CEP83: variants seen among roughly 807,000 people sequenced by gnomAD.
CEP83 encodes the protein centrosomal protein of 83 kDa.
A neutral mutation model predicts 101.9 loss-of-function variants in CEP83; 70 were observed. The ratio of observed to expected loss-of-function variants is 0.69; its 90% CI spans 0.57 to 0.84. CEP83 has a LOEUF of 0.84. CEP83 is among the 40% of genes least tolerant of loss of function. The pLI is 0.00. For synonymous variants in CEP83, 264 were observed against 267.9 expected (o/e 0.99, Z 0.14); for missense variants, 715 against 787.2 (o/e 0.91, Z 1.10).
At chr12:94,371,947 A>T (rs999581594) in intron 8 of CEP83, among the ~76,000 whole-genome samples, 1 of 152,110 alleles carries the variant, frequency 6.6e-6, no homozygotes, top group African/African-American at 2.4e-5. Flanking sequence ...TAAAATGGTG[A>T]CCCTGTGCTG....
chr12:94,350,978 A>G (rs572143632), intron 11 of CEP83, among the ~76,000 whole-genome samples: 1 of 152,294 alleles, frequency 6.6e-6, no homozygotes, highest in Admixed American at 6.5e-5. Context: ...ATGACTGACT[A>G]GAGGACCAAC....
the CEP83 span, among the ~76,000 whole-genome samples, chr12:94,267,270 G>C: frequency 6.6e-6 from 1 of 152,220 alleles, no homozygotes; most frequent in African/African-American, 2.4e-5. Flanking sequence ...TCAGGAAGAG[G>C]TCAGATGTCT....
chr12:94,443,059 T>C (rs1410824972), intron 1 of CEP83, among the ~76,000 whole-genome samples: 1 of 152,174 alleles, frequency 6.6e-6, no homozygotes, highest in East Asian at 1.9e-4. Flanking sequence ...TCACTATAAC[T>C]CCTATGATAA....
At chr12:94,431,953 A>G (rs1417178577) in intron 2 of CEP83, among the ~76,000 whole-genome samples, 1 of 152,248 alleles carries the variant, frequency 6.6e-6, no homozygotes, top group African/African-American at 2.4e-5. Flanking sequence ...AAAGGAAAAG[A>G]TATCAGCATG....
At chr12:94,294,463 A>AT in the CEP83 span, 1 of 1,110,966 alleles carries the variant, frequency 9.0e-7, no homozygotes, top group South Asian at 1.3e-5. Flanking sequence ...GAACACTCAT[A>AT]TATCTTTTAT....
chr12:94,330,420 A>C (rs1007200345), intron 14 of CEP83, among the ~76,000 whole-genome samples: 1 of 152,204 alleles, frequency 6.6e-6, no homozygotes, highest in Admixed American at 6.5e-5. Flanking sequence ...GGGTTTGCTG[A>C]AATAGAAAAA....
At chr12:94,400,514 C>T (rs943895840) in intron 6 of CEP83, among the ~76,000 whole-genome samples, 52 of 152,254 alleles carry the variant, frequency 3.4e-4, no homozygotes, top group African/African-American at 1.2e-3. Context: ...AAGAACAATG[C>T]TAAGTAAGGA....
intron 11 of CEP83, among the ~76,000 whole-genome samples, chr12:94,349,601 G>A (rs957641835): frequency 1.3e-5 from 2 of 152,042 alleles, no homozygotes; most frequent in African/African-American, 2.4e-5. Context: ...TAACAAACTC[G>A]GAATAGAAGG....
intron 6 of CEP83, among the ~76,000 whole-genome samples, chr12:94,396,546 C>T (rs2062910661): frequency 6.6e-6 from 1 of 152,012 alleles, no homozygotes; most frequent in Non-Finnish European, 1.5e-5. Context: ...CCTCAGCCTC[C>T]CCAAGTGCTG....
chr12:94,284,074 C>T, the CEP83 span, among the ~76,000 whole-genome samples: 1 of 138,608 alleles, frequency 7.2e-6, no homozygotes, highest in South Asian at 2.2e-4. Flanking sequence ...CAGAGCAAGA[C>T]TCCATGTCAG....
intron 8 of CEP83, among the ~76,000 whole-genome samples, chr12:94,370,529 A>C (rs929375060): frequency 7.2e-5 from 11 of 152,246 alleles, no homozygotes; most frequent in Admixed American, 6.5e-4. Flanking sequence ...GGTGCACACC[A>C]CCACACTCAG....
chr12:94,441,490 A>G (rs990583256), intron 1 of CEP83, among the ~76,000 whole-genome samples: 1 of 152,160 alleles, frequency 6.6e-6, no homozygotes, highest in Non-Finnish European at 1.5e-5. Context: ...TCCTGCAAGA[A>G]TGGCCATAAT....
At chr12:94,443,175 C>T (rs968798895) in intron 1 of CEP83, among the ~76,000 whole-genome samples, 1 of 151,954 alleles carries the variant, frequency 6.6e-6, no homozygotes. Context: ...CCACAGGACC[C>T]CTTTGCTAGA....
intron 7 of CEP83, among the ~76,000 whole-genome samples, chr12:94,376,736 TA>T (rs2061567872): frequency 2.0e-5 from 2 of 99,784 alleles, no homozygotes; most frequent in Non-Finnish European, 4.3e-5. Flanking sequence ...CACACACATA[TA>T]TATATATATA....
chr12:94,299,105 T>TATCA, the CEP83 span, among the ~76,000 whole-genome samples: 1 of 152,242 alleles, frequency 6.6e-6, no homozygotes, highest in East Asian at 1.9e-4. Context: ...TGTGGTTTTA[T>TATCA]ATCATTTTTG....
At chr12:94,299,095 TG>T in the CEP83 span, among the ~76,000 whole-genome samples, 34 of 152,322 alleles carry the variant, frequency 2.2e-4, no homozygotes, top group African/African-American at 6.5e-4. Flanking sequence ...AATTAACATT[TG>T]TGGTTTTATA....
chr12:94,386,429 A>G (rs1235034555), intron 6 of CEP83, among the ~76,000 whole-genome samples: 1 of 152,122 alleles, frequency 6.6e-6, no homozygotes, highest in Non-Finnish European at 1.5e-5. Context: ...AGAACTCTGG[A>G]GCTCTGCAAT....
At chr12:94,387,141 T>A (rs1414162308) in intron 6 of CEP83, among the ~76,000 whole-genome samples, 1 of 152,144 alleles carries the variant, frequency 6.6e-6, no homozygotes, top group East Asian at 1.9e-4. Context: ...TTCTGGACAT[T>A]AGCCTTGGCA....
chr12:94,280,123 C>A, the CEP83 span: 1 of 316,540 alleles, frequency 3.2e-6, no homozygotes, highest in South Asian at 2.6e-5. Flanking sequence ...CTAATCACAT[C>A]CTGTATTAAG....
Sources: allele counts gnomAD v4.1 joint callset (sites outside exome capture counted in the v4.1 genomes callset), GRCh38; gene constraint gnomAD v4.1.1; transcripts MANE v1.5; gene names NCBI Gene and HGNC (gene_info 2026-07-23, HGNC 2026-07-21).